The following DENND1B variants were observed in gnomAD, a reference collection of about 807,000 sequenced individuals.
DENND1B encodes DENN domain containing 1B, also known as DENN domain-containing protein 1B.
Under a neutral mutation model 90.1 loss-of-function variants are expected in DENND1B, and 59 were observed. The observed-to-expected ratio is 0.65, with a 90% CI of 0.53 to 0.81. DENND1B has a LOEUF of 0.81. Ranked by LOEUF, DENND1B falls within the 40% of genes least tolerant of loss-of-function variation. The probability of loss-of-function intolerance (pLI) is 0.00; values close to 1 mark genes in which losing one functional copy is unlikely to be tolerated. For synonymous variants in DENND1B, 337 were observed against 324.6 expected (o/e 1.04, Z -0.41); for missense variants, 862 against 912.6 (o/e 0.94, Z 0.71).
intron 13 of DENND1B, among the ~76,000 whole-genome samples, chr1:197,604,432 G>A (rs1442971414): frequency 6.6e-6 from 1 of 151,092 alleles, no homozygotes; most frequent in African/African-American, 2.4e-5. Context: ...GTGAATATTG[G>A]AATGAAGCCA....
intron 20 of DENND1B, among the ~76,000 whole-genome samples, chr1:197,536,098 G>A (rs947621179): frequency 1.1e-4 from 17 of 150,036 alleles, no homozygotes; most frequent in African/African-American, 4.2e-4. Context: ...GAGGAAAAGA[G>A]GGAGAGAGAC....
At chr1:197,567,038 T>C (rs955772872) in intron 15 of DENND1B, among the ~76,000 whole-genome samples, 20 of 151,600 alleles carry the variant, frequency 1.3e-4, no homozygotes, top group African/African-American at 4.4e-4. Context: ...CTAAATGAAA[T>C]AGAAACTAGA....
chr1:197,729,930 A>G (rs1035093550), intron 2 of DENND1B, among the ~76,000 whole-genome samples: 1 of 152,120 alleles, frequency 6.6e-6, no homozygotes, highest in African/African-American at 2.4e-5. Flanking sequence ...GCAAAAATCT[A>G]CCATATACTT....
At chr1:197,631,087 C>G (rs145870130) in intron 10 of DENND1B, among the ~76,000 whole-genome samples, 1 of 152,190 alleles carries the variant, frequency 6.6e-6, no homozygotes, top group African/African-American at 2.4e-5. Flanking sequence ...AGCAGTTTTT[C>G]TTTTCTTAGA....
chr1:197,617,244 C>T lies in DENND1B; in HGVS notation c.773+415G>A, dbSNP rs143817356. 3.4e-4 allele frequency among the ~76,000 whole-genome samples: 51 copies of T among 151,116 alleles called. No homozygotes were observed. In the East Asian group the frequency reaches 1.0e-2, roughly 30 times the overall value. ...AAAAAGAGGGGTAAAGAAGTGTATT[C>T]TGAAGTAAAGGTAACAAGAGTATGC... On this transcript the variant is annotated intron_variant, in intron 11 of 22. Coordinates refer to ENST00000620048, the MANE Select transcript of DENND1B (RefSeq NM_001195215.2).
intron 5 of DENND1B, among the ~76,000 whole-genome samples, chr1:197,659,757 A>C (rs1654221500): frequency 6.6e-6 from 1 of 151,908 alleles, no homozygotes. Flanking sequence ...TGCTCCCTAA[A>C]GAGTTCTGAA....
intron 22 of DENND1B, 109 bp downstream of exon 22, chr1:197,511,619 C>T (rs1668033546): frequency 1.5e-6 from 1 of 675,890 alleles, no homozygotes; most frequent in South Asian, 4.4e-5. Flanking sequence ...TGACCCTTAC[C>T]TACTTAGAGG....
chr1:197,639,038 T>A (rs1318925233), intron 10 of DENND1B, among the ~76,000 whole-genome samples: 1 of 151,950 alleles, frequency 6.6e-6, no homozygotes, highest in Admixed American at 6.6e-5. Flanking sequence ...TTAATTTTTT[T>A]AATTTTAAAC....
At chr1:197,596,795 A>C (rs1443182882) in intron 13 of DENND1B, among the ~76,000 whole-genome samples, 1 of 151,868 alleles carries the variant, frequency 6.6e-6, no homozygotes, top group Non-Finnish European at 1.5e-5. Flanking sequence ...ATTAACAACT[A>C]AACTTTGAAT....
intron 20 of DENND1B, among the ~76,000 whole-genome samples, chr1:197,516,600 C>T (rs542858798): frequency 2.0e-5 from 3 of 151,636 alleles, no homozygotes; most frequent in African/African-American, 4.8e-5. Flanking sequence ...TCCCCATGTT[C>T]GGAACATAAC....
chr1:197,698,585 G>A (rs1658691922), intron 3 of DENND1B, among the ~76,000 whole-genome samples: 1 of 92,778 alleles, frequency 1.1e-5, no homozygotes, highest in African/African-American at 4.6e-5. Context: ...GAAGGAGATA[G>A]ACACATGAAA....
chr1:197,656,208 A>G (rs1653807188), intron 6 of DENND1B, among the ~76,000 whole-genome samples: 1 of 152,040 alleles, frequency 6.6e-6, no homozygotes. Flanking sequence ...TAGTATCTAG[A>G]GAAAAGAGAA....
chr1:197,619,900 A>G (rs1677994935), intron 10 of DENND1B, among the ~76,000 whole-genome samples: 1 of 151,194 alleles, frequency 6.6e-6, no homozygotes, highest in Admixed American at 6.6e-5. Context: ...ACCAGAAGAG[A>G]ACCGAGTCTA....
chr1:197,595,079 T>G (rs1000111428), intron 14 of DENND1B, 129 bp downstream of exon 14: 3 of 1,274,572 alleles, frequency 2.4e-6, no homozygotes, highest in Non-Finnish European at 3.2e-6. Context: ...AACACATTAT[T>G]TTGGATCTTA....
chr1:197,667,058 C>T (rs1010089791), intron 5 of DENND1B, among the ~76,000 whole-genome samples: 11 of 151,234 alleles, frequency 7.3e-5, no homozygotes, highest in African/African-American at 2.4e-4. Flanking sequence ...CGGTTGAACC[C>T]GAGAGGCGGA....
chr1:197,664,153 C>T (rs893126336), intron 5 of DENND1B, among the ~76,000 whole-genome samples: 1 of 151,858 alleles, frequency 6.6e-6, no homozygotes, highest in African/African-American at 2.4e-5. Context: ...CTCAAAGCAA[C>T]TAATTTTAAA....
intron 15 of DENND1B, among the ~76,000 whole-genome samples, chr1:197,563,823 A>C (rs777084602): frequency 3.9e-5 from 6 of 151,990 alleles, no homozygotes; most frequent in Admixed American, 6.6e-5. Flanking sequence ...AACATTCATG[A>C]TTCATAGGAA....
At chr1:197,658,876 T>C (rs1451699912) in intron 5 of DENND1B, among the ~76,000 whole-genome samples, 2 of 150,934 alleles carry the variant, frequency 1.3e-5, no homozygotes, top group Non-Finnish European at 3.0e-5. Context: ...CTAAAAATTA[T>C]AAAAAATTTT....
In DENND1B at chr1:197,716,699, C is replaced by G. The variant is rs544487419; in HGVS notation, c.83-1625G>C. Reference sequence around the variant, plus strand: ...ACAGCTACATAAACAAATCCTCATGCAGAAATACAGAACAGTTCTTTCTCA... The same window carrying G: ...ACAGCTACATAAACAAATCCTCATGGAGAAATACAGAACAGTTCTTTCTCA... On this transcript the variant is annotated intron_variant, in intron 2 of 22. Coordinates refer to ENST00000620048, the MANE Select transcript of DENND1B (RefSeq NM_001195215.2). 5.3e-5 allele frequency among the ~76,000 whole-genome samples: 8 copies of G among 151,922 alleles called. No individual in the cohort carries two copies. In the South Asian group the frequency reaches 1.7e-3, roughly 31 times the overall value.
Sources: gnomAD v4.1 joint callset for allele counts (sites outside exome capture counted in the v4.1 genomes callset) on GRCh38, gnomAD v4.1.1 for gene constraint, MANE v1.5 for transcripts, NCBI Gene and HGNC (gene_info 2026-07-23, HGNC 2026-07-21) for gene names.